UNC13B: variants seen among roughly 807,000 people sequenced by gnomAD.
The protein encoded by UNC13B is protein unc-13 homolog B.
In UNC13B, 144 loss-of-function variants were observed where a neutral mutation model predicts 211.0. The ratio of observed to expected loss-of-function variants is 0.68; its 90% CI spans 0.60 to 0.78. The LOEUF is 0.78. Ranked by LOEUF, UNC13B falls within the 30% of genes least tolerant of loss-of-function variation. The pLI, the probability that UNC13B is intolerant of heterozygous loss-of-function variation, is 0.00. For missense variants in UNC13B, 1,777 were observed against 2,002.0 expected (o/e 0.89, Z 2.14); for synonymous variants, 709 against 725.8 (o/e 0.98, Z 0.37).
chr9:35,397,117 G>A, intron 28 of UNC13B, 50 bp from the exon 29 acceptor site: 1 of 1,609,286 alleles, frequency 6.2e-7, no homozygotes, highest in Admixed American at 1.7e-5. Context: ...CTACAAGCTT[G>A]GGAAAAGATA....
At chr9:35,262,541 C>T (rs1827339500) in intron 7 of UNC13B, among the ~76,000 whole-genome samples, 1 of 152,058 alleles carries the variant, frequency 6.6e-6, no homozygotes, top group Non-Finnish European at 1.5e-5. Flanking sequence ...TGTTCTTGAA[C>T]TCCTGACCTC....
At chr9:35,376,959 G>A (rs1834458019) in intron 15 of UNC13B, among the ~76,000 whole-genome samples, 1 of 152,132 alleles carries the variant, frequency 6.6e-6, no homozygotes, top group Admixed American at 6.5e-5. Context: ...TGAAGGAAGT[G>A]GGAAACTATT....
At chr9:35,271,168 TC>T in intron 7 of UNC13B, among the ~76,000 whole-genome samples, 1 of 150,074 alleles carries the variant, frequency 6.7e-6, no homozygotes, top group Non-Finnish European at 1.5e-5. Flanking sequence ...AGGACATTTC[TC>T]CCCCCATTAA....
chr9:35,384,903 A>G (rs1295690079), intron 22 of UNC13B: 6 of 689,120 alleles, frequency 8.7e-6, no homozygotes, highest in Non-Finnish European at 8.9e-6. Flanking sequence ...CTTGCTTTAA[A>G]GTGTGTGAAT....
At chr9:35,290,920 CTA>C in intron 7 of UNC13B, 1 of 718,248 alleles carries the variant, frequency 1.4e-6, no homozygotes. Flanking sequence ...GGCAGAAACT[CTA>C]TGTTATGTAA....
chr9:35,300,172 T>C lies in UNC13B; in HGVS notation c.768T>C (p.Ala256=). Reference sequence around the variant, plus strand: ...AAACTTCTGTTTTCTCCAGGTATGCTCAGAAATATGATACACTAGATAGAA... The same window carrying C: ...AAACTTCTGTTTTCTCCAGGTATGCCCAGAAATATGATACACTAGATAGAA... ...DYPERRAIRY[A]QKYDTLDRRR... is the part of the protein sequence containing the mutation. The change falls in exon 9 of 40, where the codon GCT becomes GCC. Residue 256 remains alanine (A), a synonymous_variant. Coordinates refer to ENST00000635942, the MANE Select transcript of UNC13B (RefSeq NM_001371189.2). 1 of 398,790 alleles carries C rather than the reference T, an allele frequency of 2.5e-6. No individual in the cohort carries two copies. Among genetic ancestry groups the C allele is most frequent in the Non-Finnish European group, 4.4e-6 (1 of 225,980 alleles). The allele number at this position is 398,790 out of a possible 1,614,324, so 24.7% of individuals were successfully genotyped here. A position where few individuals can be genotyped will look rare whatever the true frequency, so the allele number is the denominator to read the frequency against.
intron 7 of UNC13B, among the ~76,000 whole-genome samples, chr9:35,270,144 T>G (rs1052554402): frequency 2.0e-5 from 3 of 152,156 alleles, no homozygotes; most frequent in African/African-American, 7.2e-5. Flanking sequence ...TTATTTTTAG[T>G]GGGGAATGGT....
intron 11 of UNC13B, chr9:35,341,931 C>T (rs1832021253): frequency 1.0e-6 from 1 of 985,516 alleles, no homozygotes; most frequent in African/African-American, 1.7e-5. Flanking sequence ...GTTAGAATTC[C>T]ACATCCAGTT....
chr9:35,391,634 G>A (rs1835542128), intron 26 of UNC13B, among the ~76,000 whole-genome samples: 1 of 152,236 alleles, frequency 6.6e-6, no homozygotes, highest in Non-Finnish European at 1.5e-5. Flanking sequence ...TGTCAGGCCA[G>A]GGAGGAGGTC....
At chr9:35,186,196 T>G (rs1231376124) in intron 1 of UNC13B, among the ~76,000 whole-genome samples, 1 of 152,156 alleles carries the variant, frequency 6.6e-6, no homozygotes, top group Non-Finnish European at 1.5e-5. Flanking sequence ...CCCTACTAGA[T>G]CTGACATCTC....
chr9:35,353,183 C>G, intron 11 of UNC13B: 1 of 1,232,110 alleles, frequency 8.1e-7, no homozygotes. Context: ...ATGTGCTGCT[C>G]ACGTCCTCAA....
At chr9:35,319,625 A>G (rs929797406) in intron 11 of UNC13B, among the ~76,000 whole-genome samples, 1 of 151,594 alleles carries the variant, frequency 6.6e-6, no homozygotes, top group African/African-American at 2.4e-5. Context: ...ATGAGTACCC[A>G]ATGTTTAGAT....
At chr9:35,278,620 T>G (rs1045284316) in intron 7 of UNC13B, among the ~76,000 whole-genome samples, 1 of 151,868 alleles carries the variant, frequency 6.6e-6, no homozygotes, top group Admixed American at 6.6e-5. Flanking sequence ...TTTTTTTTTT[T>G]GTCTGAGCCT....
chr9:35,298,492 A>T (rs193235273), intron 8 of UNC13B, among the ~76,000 whole-genome samples: 51 of 152,170 alleles, frequency 3.4e-4, no homozygotes, highest in African/African-American at 1.2e-3. Flanking sequence ...AAACTGCTAC[A>T]TGGTGAGTTT....
chr9:35,228,076 C>G (rs748865064), intron 2 of UNC13B, 32 bp downstream of exon 2: 50 of 1,580,088 alleles, frequency 3.2e-5, no homozygotes, highest in Non-Finnish European at 4.3e-5. Context: ...GTCTTTTCCT[C>G]TTGTATTTGC....
chr9:35,258,940 T>C, intron 6 of UNC13B, 53 bp from the exon 7 acceptor site: 1 of 1,578,006 alleles, frequency 6.3e-7, no homozygotes, highest in South Asian at 1.2e-5. Context: ...TCCCTGTCTT[T>C]ACTTGGGCTT....
intron 19 of UNC13B, 143 bp from the exon 20 acceptor site, chr9:35,381,413 G>A (rs1834827081): frequency 9.0e-7 from 1 of 1,107,780 alleles, no homozygotes. Flanking sequence ...GCCTACTGGG[G>A]CCACAGGAGG....
chr9:35,320,123 T>A (rs1389148568), intron 11 of UNC13B, among the ~76,000 whole-genome samples: 1 of 152,226 alleles, frequency 6.6e-6, no homozygotes, highest in South Asian at 2.1e-4. Context: ...CCACATTTTC[T>A]TTATCCAGTC....
Position 35,304,060 on chromosome 9 carries a change from A to G in UNC13B, c.4656A>G (p.Ala1552=), listed in dbSNP as rs1422918617. Residue 1552 remains alanine, a synonymous_variant, in exon 9 of 40, where the codon GCA becomes GCG. Coordinates refer to ENST00000635942, the MANE Select transcript of UNC13B (RefSeq NM_001371189.2). The stretch of plus-strand genomic sequence containing the variant: ...TCACTGATTCTACTGGGCAGTATGC[A>G]TATTTATTTATACCTGATTCTTATC... ...SLLTDSTGQY[A]YLFIPDSYQE... The G allele has an allele frequency of 1.0e-5, 4 of 398,660 alleles. No individual in the cohort carries two copies. Among genetic ancestry groups the G allele is most frequent in the Admixed American group, 4.4e-5 (1 of 22,692 alleles). 24.7% of individuals were successfully genotyped at this position (398,660 alleles called of 1,614,324 possible).
Sources: gnomAD v4.1 joint callset for allele counts (sites outside exome capture counted in the v4.1 genomes callset) on GRCh38, gnomAD v4.1.1 for gene constraint, MANE v1.5 for transcripts, NCBI Gene and HGNC (gene_info 2026-07-23, HGNC 2026-07-21) for gene names.